The following LRRTM4 variants were observed in gnomAD, a reference collection of about 807,000 sequenced individuals.
LRRTM4 encodes leucine rich repeat transmembrane neuronal 4.
Under a neutral mutation model 47.6 loss-of-function variants are expected in LRRTM4, and 25 were observed. The ratio of observed to expected loss-of-function variants is 0.53; its 90% CI spans 0.38 to 0.73. LRRTM4 has a LOEUF of 0.73. LRRTM4 is among the 30% of genes least tolerant of loss of function. The probability of loss-of-function intolerance (pLI) is 0.00; values close to 1 mark genes in which losing one functional copy is unlikely to be tolerated. For missense variants in LRRTM4, 638 were observed against 713.4 expected (o/e 0.89, Z 1.20); for synonymous variants, 311 against 269.5 (o/e 1.15, Z -1.51).
At chr2:76,779,479 CTCT>C (rs1306161374) in intron 3 of LRRTM4, among the ~76,000 whole-genome samples, 1 of 146,130 alleles carries the variant, frequency 6.8e-6, no homozygotes, top group Non-Finnish European at 1.5e-5. Context: ...GGATAGTTAG[CTCT>C]TCTTGTTGAA....
At chr2:77,382,248 A>G (rs1298265737) in intron 3 of LRRTM4, among the ~76,000 whole-genome samples, 4 of 152,072 alleles carry the variant, frequency 2.6e-5, no homozygotes, top group African/African-American at 9.7e-5. Flanking sequence ...TCTCTCAGCA[A>G]ATATATTATC....
chr2:76,904,393 C>A (rs1221048605), intron 3 of LRRTM4, among the ~76,000 whole-genome samples: 1 of 152,192 alleles, frequency 6.6e-6, no homozygotes, highest in Admixed American at 6.5e-5. Context: ...ACAGGAAATC[C>A]TTCCGACTTG....
chr2:77,521,337 C>T (rs1336540802), intron 2 of LRRTM4, among the ~76,000 whole-genome samples: 2 of 151,922 alleles, frequency 1.3e-5, no homozygotes, highest in Admixed American at 6.6e-5. Flanking sequence ...ACACAAGCCT[C>T]GTTAATATTA....
intron 3 of LRRTM4, among the ~76,000 whole-genome samples, chr2:77,147,642 C>T (rs1672294704): frequency 6.6e-6 from 1 of 152,128 alleles, no homozygotes; most frequent in Non-Finnish European, 1.5e-5. Context: ...CATACTGCTG[C>T]AAACATTATT....
At chr2:77,453,723 C>T (rs889037239) in intron 3 of LRRTM4, among the ~76,000 whole-genome samples, 2 of 151,950 alleles carry the variant, frequency 1.3e-5, no homozygotes, top group Non-Finnish European at 2.9e-5. Flanking sequence ...TATGATATTT[C>T]TGTGGTATTT....
intron 3 of LRRTM4, among the ~76,000 whole-genome samples, chr2:77,447,530 A>G (rs904408714): frequency 4.6e-5 from 7 of 151,966 alleles, no homozygotes; most frequent in Non-Finnish European, 8.8e-5. Context: ...AATTTCAATA[A>G]CCCTCCTTCT....
chr2:77,381,127 A>G (rs2103791805), intron 3 of LRRTM4, among the ~76,000 whole-genome samples: 1 of 152,172 alleles, frequency 6.6e-6, no homozygotes, highest in South Asian at 2.1e-4. Context: ...AAACACAATA[A>G]ACCTATTCTT....
intron 3 of LRRTM4, among the ~76,000 whole-genome samples, chr2:77,317,071 C>CT (rs1677640124): frequency 6.6e-6 from 1 of 151,982 alleles, no homozygotes; most frequent in South Asian, 2.1e-4. Context: ...AGGGAATATA[C>CT]TATATAAACA....
At position 77,123,376 on chromosome 2, in the gene LRRTM4, C is replaced by G. The variant is rs115557342; in HGVS notation, c.1552-374460G>C. 2.1e-3 allele frequency among the ~76,000 whole-genome samples: 320 copies of G among 152,172 alleles called. 1 individual carries two copies. The highest frequency in any genetic ancestry group is 7.3e-3 in the African/African-American group (304 of 41,546). On this transcript the variant is annotated intron_variant, in intron 3 of 3. Transcript: ENST00000409884. ...TTTCTTCCTCTTTTCTGGCTTACAG[C>G]CTTAATTACGTAAAAACAGAGGAAA...
chr2:76,781,060 G>T lies in LRRTM4; in HGVS notation c.1552-32144C>A, dbSNP rs1004087256. On this transcript the variant is annotated intron_variant, in intron 3 of 3. Transcript: ENST00000409884. ...TGCCCGTGCTTGGGGGTGCCTCCCA[G>T]TTAGGCTGTTCTGGGGTCAGGGACC... is the stretch of plus-strand genomic sequence containing the variant. 4.0e-5 allele frequency among the ~76,000 whole-genome samples: 6 copies of T among 150,426 alleles called. No individual in the cohort carries two copies. In the Admixed American group the frequency reaches 4.0e-4, roughly 10 times the overall value.
At chr2:77,310,943 G>A (rs142188827) in intron 3 of LRRTM4, among the ~76,000 whole-genome samples, 1 of 151,444 alleles carries the variant, frequency 6.6e-6, no homozygotes, top group Non-Finnish European at 1.5e-5. Context: ...TATATATAGA[G>A]AGAATATTAT....
intron 3 of LRRTM4, among the ~76,000 whole-genome samples, chr2:77,268,571 GTGATCTT>G (rs1676113146): frequency 6.6e-6 from 1 of 152,008 alleles, no homozygotes; most frequent in East Asian, 1.9e-4. Flanking sequence ...TGTATATCAA[GTGATCTT>G]TTTAAATTAC....
At chr2:77,095,107 ATCTGAACAGACATT>A (rs1171010201) in intron 3 of LRRTM4, among the ~76,000 whole-genome samples, 1 of 152,238 alleles carries the variant, frequency 6.6e-6, no homozygotes, top group Non-Finnish European at 1.5e-5. Context: ...TGAGCAAAGG[ATCTGAACAGACATT>A]TCTCAACAGA....
intron 3 of LRRTM4, among the ~76,000 whole-genome samples, chr2:77,318,924 A>G (rs924009356): frequency 6.6e-6 from 1 of 151,876 alleles, no homozygotes; most frequent in Non-Finnish European, 1.5e-5. Context: ...AGATAATTGC[A>G]CCCTCTGTAT....
At chr2:77,060,763 T>G (rs1679760322) in intron 3 of LRRTM4, among the ~76,000 whole-genome samples, 1 of 152,162 alleles carries the variant, frequency 6.6e-6, no homozygotes. Context: ...AGATGCAACC[T>G]ATGTCTCTTT....
At chr2:76,956,177 G>C (rs2103899471) in intron 3 of LRRTM4, among the ~76,000 whole-genome samples, 1 of 151,696 alleles carries the variant, frequency 6.6e-6, no homozygotes, top group African/African-American at 2.4e-5. Context: ...GGTGCCTCCA[G>C]GAAAGATCAC....
At chr2:77,004,783 C>T (rs1677573514) in intron 3 of LRRTM4, among the ~76,000 whole-genome samples, 1 of 152,180 alleles carries the variant, frequency 6.6e-6, no homozygotes, top group African/African-American at 2.4e-5. Context: ...CCTGCAACTG[C>T]ACAGGAGCGA....
chr2:77,352,962 A>G (rs917078565), intron 3 of LRRTM4, among the ~76,000 whole-genome samples: 1 of 152,178 alleles, frequency 6.6e-6, no homozygotes, highest in Non-Finnish European at 1.5e-5. Flanking sequence ...ATTAAAATTT[A>G]TGGCTAATTT....
intron 3 of LRRTM4, among the ~76,000 whole-genome samples, chr2:76,754,510 G>A (rs571456508): frequency 1.3e-5 from 2 of 152,070 alleles, no homozygotes; most frequent in South Asian, 2.1e-4. Context: ...ATCCTCTCAG[G>A]GTCCTGTCAA....
Sources: gnomAD v4.1 joint callset for allele counts (sites outside exome capture counted in the v4.1 genomes callset) on GRCh38, gnomAD v4.1.1 for gene constraint, MANE v1.5 for transcripts, NCBI Gene and HGNC (gene_info 2026-07-23, HGNC 2026-07-21) for gene names.